Variants in ANKS1B observed in about 807,000 individuals in gnomAD.
ANKS1B encodes ankyrin repeat and sterile alpha motif domain containing 1B, also known as ankyrin repeat and sterile alpha motif domain-containing protein 1B.
A neutral mutation model predicts 148.3 loss-of-function variants in ANKS1B; 36 were observed. The ratio of observed to expected loss-of-function variants is 0.24; its 90% CI spans 0.19 to 0.32. The LOEUF is 0.32. ANKS1B is among the 10% of genes least tolerant of loss of function. The probability of loss-of-function intolerance (pLI) is 1.00; values close to 1 mark genes in which losing one functional copy is unlikely to be tolerated. For synonymous variants in ANKS1B, 542 were observed against 560.8 expected (o/e 0.97, Z 0.47); for missense variants, 1,157 against 1,542.6 (o/e 0.75, Z 4.19).
At chr12:98,868,793 A>G (rs2099638510) in intron 17 of ANKS1B, among the ~76,000 whole-genome samples, 1 of 152,210 alleles carries the variant, frequency 6.6e-6, no homozygotes, top group East Asian at 1.9e-4. Flanking sequence ...GTCTCTCACC[A>G]GCTGAGCTCT....
chr12:99,472,997 C>A (rs1415515904), intron 10 of ANKS1B, among the ~76,000 whole-genome samples: 3 of 151,940 alleles, frequency 2.0e-5, no homozygotes, highest in African/African-American at 7.2e-5. Context: ...ATATTTGTTT[C>A]AAATATTGGC....
At chr12:99,348,401 G>T (rs80258463) in intron 12 of ANKS1B, among the ~76,000 whole-genome samples, 4,226 of 151,396 alleles carry the variant, frequency 0.028, 90 homozygotes, top group Non-Finnish European at 0.042. Context: ...AAAAAAACTA[G>T]CTACTTCCCC....
At chr12:99,155,033 C>T (rs2075844550) in intron 14 of ANKS1B, 1 of 1,535,084 alleles carries the variant, frequency 6.5e-7, no homozygotes, top group African/African-American at 1.4e-5. Flanking sequence ...TAGCAAGATT[C>T]AAAAGCAAAC....
intron 17 of ANKS1B, among the ~76,000 whole-genome samples, chr12:99,039,765 G>A (rs1160769996): frequency 6.6e-6 from 1 of 152,212 alleles, no homozygotes; most frequent in African/African-American, 2.4e-5. Flanking sequence ...ATGTATACAT[G>A]TGCCATGCTG....
At chr12:98,746,454 T>TG (rs1303554592) in intron 26 of ANKS1B, among the ~76,000 whole-genome samples, 2 of 152,224 alleles carry the variant, frequency 1.3e-5, no homozygotes, top group Non-Finnish European at 2.9e-5. Context: ...TTCAGGTCTC[T>TG]GCTCAAATGC....
intron 8 of ANKS1B, among the ~76,000 whole-genome samples, chr12:99,727,255 CA>C: frequency 6.6e-6 from 1 of 152,046 alleles, no homozygotes; most frequent in Admixed American, 6.6e-5. Context: ...ATCTCAGCCC[CA>C]AAACTCCTTA....
chr12:99,248,956 CTTTGT>C (rs1458933765), intron 12 of ANKS1B, among the ~76,000 whole-genome samples: 1 of 152,080 alleles, frequency 6.6e-6, no homozygotes, highest in African/African-American at 2.4e-5. Flanking sequence ...AGAGCTTTTT[CTTTGT>C]TTTGTTTTGT....
intron 4 of ANKS1B, among the ~76,000 whole-genome samples, chr12:99,800,373 T>C (rs2066790079): frequency 6.7e-6 from 1 of 150,176 alleles, no homozygotes; most frequent in African/African-American, 2.5e-5. Context: ...AGAAAATAAA[T>C]TTCTGTTGCT....
chr12:98,807,489 G>A (rs1209029706), intron 20 of ANKS1B, among the ~76,000 whole-genome samples: 1 of 151,810 alleles, frequency 6.6e-6, no homozygotes, highest in African/African-American at 2.4e-5. Context: ...AAATGGGGAG[G>A]AATAATGCTG....
At chr12:99,174,300 A>G (rs563458157) in intron 14 of ANKS1B, among the ~76,000 whole-genome samples, 3 of 152,308 alleles carry the variant, frequency 2.0e-5, no homozygotes, top group Admixed American at 1.3e-4. Flanking sequence ...GCCCTGGCCT[A>G]CACATTGACT....
At chr12:98,909,548 A>G (rs1292868225) in intron 17 of ANKS1B, among the ~76,000 whole-genome samples, 2 of 152,236 alleles carry the variant, frequency 1.3e-5, no homozygotes, top group Non-Finnish European at 2.9e-5. Context: ...TTATCCACAT[A>G]TGTATATTTT....
At chr12:98,865,122 G>A (rs1474803822) in intron 17 of ANKS1B, among the ~76,000 whole-genome samples, 1 of 152,146 alleles carries the variant, frequency 6.6e-6, no homozygotes, top group Admixed American at 6.5e-5. Flanking sequence ...TGGGCCCTCA[G>A]ACCGCTCAGA....
At chr12:99,244,785 A>G (rs1298776611) in intron 13 of ANKS1B, among the ~76,000 whole-genome samples, 1 of 152,208 alleles carries the variant, frequency 6.6e-6, no homozygotes, top group Non-Finnish European at 1.5e-5. Context: ...CTTCTGCCTA[A>G]GAACATGCAT....
At chr12:99,658,460 C>T (rs2098460482) in intron 8 of ANKS1B, among the ~76,000 whole-genome samples, 1 of 152,038 alleles carries the variant, frequency 6.6e-6, no homozygotes, top group Admixed American at 6.6e-5. Context: ...CTAAAATTTT[C>T]CAGATTTCCC....
At chr12:99,536,092 T>C (rs1281803548) in intron 9 of ANKS1B, among the ~76,000 whole-genome samples, 1 of 152,178 alleles carries the variant, frequency 6.6e-6, no homozygotes, top group Non-Finnish European at 1.5e-5. Flanking sequence ...GCTCCATTTA[T>C]AGGACATGTC....
At chr12:99,812,556 CACAG>C (rs1287469280) in intron 2 of ANKS1B, among the ~76,000 whole-genome samples, 157 of 63,108 alleles carry the variant, frequency 2.5e-3, no homozygotes, top group Middle Eastern at 9.4e-3. Context: ...CACACACACA[CACAG>C]AGAGAGAGAG....
intron 19 of ANKS1B, among the ~76,000 whole-genome samples, chr12:98,809,625 G>T (rs1453727032): frequency 1.3e-5 from 2 of 152,180 alleles, no homozygotes; most frequent in African/African-American, 4.8e-5. Context: ...AAGAAGGAGT[G>T]TGAGCCTGGT....
At chr12:99,791,927 A>C (rs2153645391) in intron 4 of ANKS1B, among the ~76,000 whole-genome samples, 1 of 152,034 alleles carries the variant, frequency 6.6e-6, no homozygotes, top group South Asian at 2.1e-4. Flanking sequence ...AATGAATTTG[A>C]AATGATTAAA....
At chr12:98,789,336 A>C (rs2098826671) in intron 22 of ANKS1B, among the ~76,000 whole-genome samples, 2 of 152,152 alleles carry the variant, frequency 1.3e-5, no homozygotes, top group South Asian at 4.2e-4. Context: ...GAGAGACTCA[A>C]AACAAAAACA....
Sources: allele counts gnomAD v4.1 joint callset (sites outside exome capture counted in the v4.1 genomes callset), GRCh38; gene constraint gnomAD v4.1.1; transcripts MANE v1.5; gene names NCBI Gene and HGNC (gene_info 2026-07-23, HGNC 2026-07-21).